ADAMTS2: variants seen among roughly 807,000 people sequenced by gnomAD.
ADAMTS2 encodes A disintegrin and metalloproteinase with thrombospondin motifs 2.
ADAMTS2 carries 50 observed loss-of-function variants against 123.0 expected under a neutral mutation model. The ratio of observed to expected loss-of-function variants is 0.41; its 90% CI spans 0.32 to 0.51. The LOEUF (loss-of-function observed/expected upper bound fraction) is 0.51, where lower values mean the gene tolerates loss of function less well. Among genes scored for constraint, ADAMTS2 ranks in the 20% least tolerant of loss-of-function variants. The probability of loss-of-function intolerance (pLI) is 0.35; values close to 1 mark genes in which losing one functional copy is unlikely to be tolerated. For missense variants in ADAMTS2, 1,494 were observed against 1,705.2 expected, an observed-to-expected ratio of 0.88 and a Z score of 2.18; for synonymous variants, 678 against 695.4, an observed-to-expected ratio of 0.98 and a Z score of 0.39.
At position 179,181,645 on chromosome 5, in the gene ADAMTS2, T is replaced by C. The variant is rs1764051296; in HGVS notation, c.892-490A>G. On this transcript the variant is annotated intron_variant, in intron 4 of 21. Coordinates refer to ENST00000251582, the MANE Select transcript of ADAMTS2 (RefSeq NM_014244.5). The surrounding 1 kb of genome is among the most constrained non-coding windows in gnomAD (Gnocchi z 4.1). ...GGGCGGTTCTAGGCCCACCACCAGG[T>C]ATAATGTTTTAACGTGTTAATAAAA... Among the ~76,000 whole-genome samples, 1 of 152,182 alleles carries C rather than the reference T, an allele frequency of 6.6e-6. No homozygotes were observed. Among genetic ancestry groups the C allele is most frequent in the African/African-American group, 2.4e-5 (1 of 41,448 alleles).
rs553666631 is a variant in ADAMTS2 at position 179,181,916 on chromosome 5, T to G, written c.892-761A>C. On this transcript the variant is annotated intron_variant, in intron 4 of 21. Transcript: ENST00000251582. The surrounding 1 kb of genome is among the most constrained non-coding windows in gnomAD (Gnocchi z 4.1). ...CAGCCAGCAAGACCCTCCAGAAACA[T>G]AGGTCAGGTTATCCCGGGCTCGAGG... Among the ~76,000 whole-genome samples, 2 of 152,134 alleles carry G rather than the reference T, an allele frequency of 1.3e-5. No individual in the cohort carries two copies. Among genetic ancestry groups the G allele is most frequent in the South Asian group, 2.1e-4 (1 of 4,816 alleles).
intron 19 of ADAMTS2, among the ~76,000 whole-genome samples, chr5:179,123,776 C>G (rs1762803798): frequency 6.6e-6 from 1 of 152,250 alleles, no homozygotes; most frequent in Non-Finnish European, 1.5e-5. Flanking sequence ...GGGAACCAAG[C>G]TCATGGAAGG....
At chr5:179,122,960 C>T (rs901937945) in intron 19 of ADAMTS2, 187 bp from the exon 20 acceptor site, 1 of 779,316 alleles carries the variant, frequency 1.3e-6, no homozygotes. Context: ...TCCTGGGGCT[C>T]TAAAGAAGGG....
intron 4 of ADAMTS2, among the ~76,000 whole-genome samples, chr5:179,204,025 G>A (rs1764623461): frequency 6.6e-6 from 1 of 152,218 alleles, no homozygotes; most frequent in South Asian, 2.1e-4. Context: ...GAAAAGGAAG[G>A]ACATTCTTAC....
At chr5:179,237,107 A>C (rs1462428061) in intron 3 of ADAMTS2, among the ~76,000 whole-genome samples, 1 of 152,092 alleles carries the variant, frequency 6.6e-6, no homozygotes, top group Non-Finnish European at 1.5e-5. Flanking sequence ...CTAAAAATAA[A>C]AAAAAATATG....
chr5:179,166,789 G>A lies in ADAMTS2; in HGVS notation c.976-7910C>T, dbSNP rs1355545271. Reference sequence around the variant, plus strand: ...AGCCTAAGCTCCTTGAGGGCCGGGTGGTTGCTGGGCCCGAGTCTGTGCCCC... The same window carrying A: ...AGCCTAAGCTCCTTGAGGGCCGGGTAGTTGCTGGGCCCGAGTCTGTGCCCC... On this transcript the variant is annotated intron_variant, in intron 5 of 21. Transcript: ENST00000251582. 5.3e-5 allele frequency among the ~76,000 whole-genome samples: 8 copies of A among 152,204 alleles called. 1 individual carries two copies. Among genetic ancestry groups the A allele is most frequent in the Admixed American group, 5.2e-4 (8 of 15,290 alleles).
intron 3 of ADAMTS2, among the ~76,000 whole-genome samples, chr5:179,212,809 G>A (rs936789952): frequency 6.6e-6 from 1 of 152,004 alleles, no homozygotes; most frequent in African/African-American, 2.4e-5. Context: ...GCAGGTGTGG[G>A]CTCTGAGGTC....
chr5:179,343,941 C>T lies in ADAMTS2; in HGVS notation c.360G>A (p.Leu120=), dbSNP rs1394532631. Residue 120 remains leucine (L), a synonymous_variant, in exon 2 of 22, where the codon CTG becomes CTA. Coordinates refer to ENST00000251582, the MANE Select transcript of ADAMTS2 (RefSeq NM_014244.5). ...FYNVTVFGRD[L]HLRLRPNARL... ...GGGCGTTGGGCCGCAGCCGCAGGTG[C>T]AGGTCTCGGCCAAAGACCGTGACAT... The T allele has an allele frequency of 6.2e-7, 1 of 1,610,628 alleles. No individual in the cohort carries two copies. The highest frequency in any genetic ancestry group is 2.2e-5 in the East Asian group (1 of 44,726).
chr5:179,114,027 T>C lies in ADAMTS2; in HGVS notation c.3476A>G (p.Asn1159Ser), dbSNP rs1762617986. Residue 1159 changes from asparagine (N) to serine (S), a missense_variant, in exon 22 of 22, where the codon AAT becomes AGT. This residue lies in a region of ADAMTS2 where 953 missense variants were observed against 1,124.7 expected (regional missense o/e 0.85). Transcript: ENST00000251582. ...TNATEDHPET[N>S]AVDEPYKIHG... is the part of the protein sequence containing the mutation. Reference sequence around the variant, plus strand: ...GATTTTGTAGGGTTCATCTACGGCATTGGTTTCTGGGTGATCCTCTGTGGC... The same window carrying C: ...GATTTTGTAGGGTTCATCTACGGCACTGGTTTCTGGGTGATCCTCTGTGGC... 6.2e-7 allele frequency: 1 copy of C among 1,613,982 alleles called. No homozygotes were observed.
At chr5:179,276,198 G>C (rs2113519723) in intron 2 of ADAMTS2, among the ~76,000 whole-genome samples, 1 of 152,288 alleles carries the variant, frequency 6.6e-6, no homozygotes, top group South Asian at 2.1e-4. Flanking sequence ...TCCCCCAAGG[G>C]AGGCACCGAG....
In ADAMTS2 at chr5:179,129,174, C is replaced by T. The variant is rs1762915852; in HGVS notation, c.2457+758G>A. ...TCACACACTGATGCAGGCAGGTCAC[C>T]AAAGGCACGTCCAGGGGGCCAGAAG... On this transcript the variant is annotated intron_variant, in intron 16 of 21. Coordinates refer to ENST00000251582, the MANE Select transcript of ADAMTS2 (RefSeq NM_014244.5). This position sits in a 1 kb window ranked among gnomAD's most constrained non-coding sequence, Gnocchi z 4.1. Among the ~76,000 whole-genome samples, 1 of 152,130 alleles carries T rather than the reference C, an allele frequency of 6.6e-6. No individual in the cohort carries two copies. The highest frequency in any genetic ancestry group is 2.4e-5 in the African/African-American group (1 of 41,414).
At chr5:179,226,820 G>A (rs1188629580) in intron 3 of ADAMTS2, among the ~76,000 whole-genome samples, 2 of 152,182 alleles carry the variant, frequency 1.3e-5, no homozygotes, top group Admixed American at 6.5e-5. Context: ...ATAAGTGTAA[G>A]GATATCCACG....
intron 3 of ADAMTS2, among the ~76,000 whole-genome samples, chr5:179,233,665 T>TGATA (rs1231874169): frequency 6.6e-6 from 1 of 152,054 alleles, no homozygotes; most frequent in Non-Finnish European, 1.5e-5. Context: ...CCAGCCTGAG[T>TGATA]GATAGAGTGA....
intron 4 of ADAMTS2, among the ~76,000 whole-genome samples, chr5:179,206,137 C>T (rs192057097): frequency 3.3e-5 from 5 of 152,154 alleles, no homozygotes; most frequent in East Asian, 1.9e-4. Flanking sequence ...CCAAATAAAA[C>T]GAATTCTGCC....
chr5:179,205,916 C>T (rs1040141133), intron 4 of ADAMTS2, among the ~76,000 whole-genome samples: 4 of 151,922 alleles, frequency 2.6e-5, no homozygotes, highest in East Asian at 1.9e-4. Flanking sequence ...GGACTACAGG[C>T]GCCCGCCACC....
At chr5:179,119,535 G>A (rs937556109) in intron 21 of ADAMTS2, among the ~76,000 whole-genome samples, 1 of 152,220 alleles carries the variant, frequency 6.6e-6, no homozygotes, top group Non-Finnish European at 1.5e-5. Flanking sequence ...TTTCAGCAAT[G>A]TGAGAGAACA....
intron 5 of ADAMTS2, among the ~76,000 whole-genome samples, chr5:179,159,641 C>T (rs1763558861): frequency 6.6e-6 from 1 of 152,154 alleles, no homozygotes; most frequent in African/African-American, 2.4e-5. Context: ...CGGGACCGCT[C>T]GTCTTGCACA....
chr5:179,274,774 C>T (rs370367106), intron 2 of ADAMTS2, among the ~76,000 whole-genome samples: 4 of 152,354 alleles, frequency 2.6e-5, no homozygotes, highest in South Asian at 4.1e-4. Context: ...TGCCTCCCGG[C>T]GCACTCAGCC....
At position 179,181,026 on chromosome 5, in the gene ADAMTS2, A is replaced by G. The variant is rs1310643196; in HGVS notation, c.975+46T>C. On this transcript the variant is annotated intron_variant, in intron 5 of 21. Transcript: ENST00000251582. This position sits in a 1 kb window ranked among gnomAD's most constrained non-coding sequence, Gnocchi z 4.1. ...CCCATGCCTCACTCCCAGGCCCCTC[A>G]CTCCGAGGGGGTGGAGGCAGGCCCG... 10 of 1,477,002 alleles carry G rather than the reference A, an allele frequency of 6.8e-6. No homozygotes were observed. Among genetic ancestry groups the G allele is most frequent in the Non-Finnish European group, 9.5e-6 (10 of 1,056,330 alleles). The allele number at this position is 1,477,002 out of a possible 1,614,324, so 91.5% of individuals were successfully genotyped here.
Sources: allele counts gnomAD v4.1 joint callset (sites outside exome capture counted in the v4.1 genomes callset), GRCh38; gene constraint gnomAD v4.1.1; regional missense constraint gnomAD v4.1.1; non-coding constraint Gnocchi (gnomAD v3.1); transcripts MANE v1.5; gene names NCBI Gene and HGNC (gene_info 2026-07-23, HGNC 2026-07-21).